TRPV5: variants seen among roughly 807,000 people sequenced by gnomAD.
The protein encoded by TRPV5 is calcium transport protein 2.
In TRPV5, 66 loss-of-function variants were observed where a neutral mutation model predicts 74.1. That is an observed-to-expected ratio of 0.89 (90% confidence interval 0.73 to 1.09). TRPV5 has a LOEUF of 1.09. Among genes scored for constraint, TRPV5 ranks in the 50% least tolerant of loss-of-function variants. TRPV5 has a pLI of 0.00. For missense variants in TRPV5, 936 were observed against 930.4 expected (o/e 1.01, Z -0.08); for synonymous variants, 399 against 360.7 (o/e 1.11, Z -1.20).
intron 8 of TRPV5, chr7:142,925,257 C>T (rs1795963499): frequency 1.8e-6 from 1 of 556,806 alleles, no homozygotes; most frequent in Non-Finnish European, 3.2e-6. Context: ...TGTAAATTAC[C>T]AAAAAATTTC....
rs774422675 is a variant in TRPV5, at chr7:142,928,793, C to G, written c.660G>C (p.Leu220=). 1.2e-6 allele frequency: 2 copies of G among 1,614,142 alleles called. No homozygotes were observed. Among genetic ancestry groups the G allele is most frequent in the Non-Finnish European group, 1.7e-6 (2 of 1,179,994 alleles). ...GGTGGTCCCCATGTCCATCATAGGA[C>G]AGCAGCAGGTTGTACATCTGGCAGG... ...TFACQMYNLL[L]SYDGHGDHLQ... is the part of the protein sequence containing the mutation. The change falls in exon 6 of 15, where the codon CTG becomes CTC. Residue 220 remains leucine (L), a synonymous_variant. Transcript: ENST00000265310.
intron 8 of TRPV5, among the ~76,000 whole-genome samples, chr7:142,917,460 C>T (rs747929295): frequency 6.6e-6 from 1 of 152,056 alleles, no homozygotes; most frequent in East Asian, 1.9e-4. Flanking sequence ...CATAAGTTGG[C>T]GAGGATGGCT....
rs1796049546 is a variant in TRPV5, at chr7:142,929,578, C to G, written c.350-13G>C. The G allele has an allele frequency of 2.5e-6, 4 of 1,610,408 alleles. No homozygotes were observed. The highest frequency in any genetic ancestry group is 3.4e-6 in the Non-Finnish European group (4 of 1,177,010). On this transcript the variant is annotated splice_polypyrimidine_tract_variant and intron_variant, in intron 3 of 14. Coordinates refer to ENST00000265310, the MANE Select transcript of TRPV5 (RefSeq NM_019841.7). ...AGTGCAGTCTGACCTGGCCCAGAGA[C>G]AGCCATCATCAGGGTCTCCCTCTGT...
chr7:142,925,735 G>C lies in TRPV5; in HGVS notation c.916C>G (p.Gln306Glu), dbSNP rs1448257870. ...TTCACTGGGGTCTGTTCCAGAATTT[G>C]GCGAGCCTGGCATGGAAGTAGAGTG... ...VVSSDKREAR[Q>E]ILEQTPVKEL... Residue 306 changes from glutamine (Q) to glutamate (E), a missense_variant, in exon 8 of 15, where the codon CAA becomes GAA. Coordinates refer to ENST00000265310, the MANE Select transcript of TRPV5 (RefSeq NM_019841.7). 1 of 1,613,802 alleles carries C rather than the reference G, an allele frequency of 6.2e-7. No individual in the cohort carries two copies.
chr7:142,909,472 G>A lies in TRPV5; in HGVS notation c.1895+18C>T, dbSNP rs944289673. 5 of 1,613,092 alleles carry A rather than the reference G, an allele frequency of 3.1e-6. No individual in the cohort carries two copies. The highest frequency in any genetic ancestry group is 3.3e-5 in the Admixed American group (2 of 60,016). On this transcript the variant is annotated intron_variant, in intron 14 of 14. Transcript: ENST00000265310. ...CTTATACACATCTGCAGTTTTGCATGTGCACACCATCACTCACCGCAGGAA... is the reference window on the plus strand; with the variant it reads ...CTTATACACATCTGCAGTTTTGCATATGCACACCATCACTCACCGCAGGAA...
At chr7:142,914,108 A>G (rs1209405545) in intron 12 of TRPV5, among the ~76,000 whole-genome samples, 1 of 151,908 alleles carries the variant, frequency 6.6e-6, no homozygotes, top group African/African-American at 2.4e-5. Flanking sequence ...TTTCTCTGTC[A>G]TCTTCAAACT....
chr7:142,924,030 C>G (rs4252443), intron 8 of TRPV5, among the ~76,000 whole-genome samples: 20,770 of 151,708 alleles, frequency 0.14, 2,856 homozygotes, highest in African/African-American at 0.36. Context: ...AATCACTCCT[C>G]CCTCCACTTG....
In TRPV5 at chr7:142,912,749, C is replaced by G. The variant is rs143667539; in HGVS notation, c.1521G>C (p.Ala507=). The G allele has an allele frequency of 6.2e-7, 1 of 1,612,420 alleles. No homozygotes were observed. The highest frequency in any genetic ancestry group is 8.5e-7 in the Non-Finnish European group (1 of 1,178,670). Residue 507 remains alanine (A), a splice_region_variant and synonymous_variant, in exon 13 of 15, where the codon GCG becomes GCC. Transcript: ENST00000265310. ...CCTCTGTCTGGAAAATGATATAGAA[C>G]GCTGCTCCGCCCAGGAAGAGGACAT... is the stretch of plus-strand genomic sequence containing the variant. ...MAVVILGFAS[A]FYIIFQTEDP... is the part of the protein sequence containing the mutation.
chr7:142,929,143 G>A, intron 4 of TRPV5, 23 bp from the exon 5 acceptor site: 1 of 1,612,512 alleles, frequency 6.2e-7, no homozygotes, highest in South Asian at 1.1e-5. Flanking sequence ...AGAGATCCAT[G>A]GCAGGAGAAC....
At chr7:142,915,450 T>C (rs1345807763) in intron 9 of TRPV5, 32 bp downstream of exon 9, 2 of 1,611,848 alleles carry the variant, frequency 1.2e-6, no homozygotes, top group East Asian at 2.2e-5. Flanking sequence ...TTAGATGGGA[T>C]GGGATTAGCC....
chr7:142,910,941 C>G (rs1022495598), intron 13 of TRPV5, among the ~76,000 whole-genome samples: 2 of 152,172 alleles, frequency 1.3e-5, no homozygotes, highest in Non-Finnish European at 2.9e-5. Flanking sequence ...TCACCAACAC[C>G]TCCACTATCT....
At chr7:142,913,192 CT>C (rs1054176938) in intron 12 of TRPV5, among the ~76,000 whole-genome samples, 1 of 152,246 alleles carries the variant, frequency 6.6e-6, no homozygotes, top group East Asian at 1.9e-4. Flanking sequence ...AGAAGAGCCC[CT>C]TTTTTAATCT....
In TRPV5 at chr7:142,930,161, C is replaced by G. The variant is rs766993567; in HGVS notation, c.246G>C (p.Ala82=). ...VRQRGALGET[A]LHIAALYDNL... ...TGTCATAGAGGGCTGCTATGTGCAG[C>G]GCCGTCTCCCCCAGGGCTCCTGGAT... Residue 82 remains alanine (A), a synonymous_variant, in exon 3 of 15, where the codon GCG becomes GCC. Transcript: ENST00000265310. 2 of 1,613,334 alleles carry G rather than the reference C, an allele frequency of 1.2e-6. No individual in the cohort carries two copies. The highest frequency in any genetic ancestry group is 2.7e-5 in the African/African-American group (2 of 74,844).
chr7:142,931,017 ATTTTTTT>A (rs35738386), intron 1 of TRPV5, among the ~76,000 whole-genome samples: 1 of 100,340 alleles, frequency 1.0e-5, no homozygotes, highest in Non-Finnish European at 1.8e-5. Context: ...CCCTCAGGCT[ATTTTTTT>A]TTTTTTTTTT....
rs1322942141 is a variant in TRPV5 at position 142,914,989 on chromosome 7, A to G, written c.1344T>C (p.Asn448=). Residue 448 remains asparagine, a synonymous_variant, in exon 11 of 15, where the codon AAT becomes AAC. Coordinates refer to ENST00000265310, the MANE Select transcript of TRPV5 (RefSeq NM_019841.7). The part of the protein sequence containing the change: ...VTMVMRLTNT[N]GEVVPMSFAL... Reference sequence around the variant, plus strand: ...CAAAGGACATGGGCACCACCTCCCCATTGGTGTTGGTGAGCCGCATCACCA... The same window carrying G: ...CAAAGGACATGGGCACCACCTCCCCGTTGGTGTTGGTGAGCCGCATCACCA... 2 of 1,613,938 alleles carry G rather than the reference A, an allele frequency of 1.2e-6. No homozygotes were observed. Among genetic ancestry groups the G allele is most frequent in the Non-Finnish European group, 1.7e-6 (2 of 1,180,014 alleles).
chr7:142,923,691 G>A (rs1795921291), intron 8 of TRPV5, among the ~76,000 whole-genome samples: 1 of 152,188 alleles, frequency 6.6e-6, no homozygotes, highest in African/African-American at 2.4e-5. Context: ...AGAAGGATGG[G>A]TCAGGTGTTC....
chr7:142,931,472 A>G (rs569991534), intron 1 of TRPV5, among the ~76,000 whole-genome samples: 1 of 152,270 alleles, frequency 6.6e-6, no homozygotes, highest in African/African-American at 2.4e-5. Flanking sequence ...TACTCATTCT[A>G]CAGGACCTCT....
At chr7:142,930,025 T>A (rs1377854671) in intron 3 of TRPV5, 33 bp downstream of exon 3, 1 of 1,613,406 alleles carries the variant, frequency 6.2e-7, no homozygotes, top group African/African-American at 1.3e-5. Flanking sequence ...CATCTCAAAG[T>A]TTCCACCTTG....
In TRPV5 at chr7:142,930,512, G is replaced by A; in HGVS notation, c.129-66C>T. 30 of 1,184,494 alleles carry A rather than the reference G, an allele frequency of 2.5e-5. 2 individuals are homozygous for A. In the South Asian group the frequency reaches 3.3e-4, roughly 13 times the overall value. The allele number at this position is 1,184,494 out of a possible 1,614,324, so 73.4% of individuals were successfully genotyped here. On this transcript the variant is annotated intron_variant, in intron 1 of 14. Coordinates refer to ENST00000265310, the MANE Select transcript of TRPV5 (RefSeq NM_019841.7). ...GCAGAATGAGGCCAAGAGCAAAGGG[G>A]ATCTAAGACATTCTTTAAGACCAAC...
Sources: allele counts gnomAD v4.1 joint callset (sites outside exome capture counted in the v4.1 genomes callset), GRCh38; gene constraint gnomAD v4.1.1; transcripts MANE v1.5; gene names NCBI Gene and HGNC (gene_info 2026-07-23, HGNC 2026-07-21).